The following RP1 variants were observed in gnomAD, a reference collection of about 807,000 sequenced individuals.
The protein encoded by RP1 is RP1 axonemal microtubule associated.
RP1 carries 16 observed loss-of-function variants against 14.8 expected under a neutral mutation model. The ratio of observed to expected loss-of-function variants is 1.08; its 90% CI spans 0.73 to 1.65. The LOEUF (loss-of-function observed/expected upper bound fraction) is 1.65. RP1 is among the 40% of genes most tolerant of loss of function. The pLI, the probability that RP1 is intolerant of heterozygous loss-of-function variation, is 0.00. For synonymous variants in RP1, 876 were observed against 883.6 expected, an observed-to-expected ratio of 0.99 and a Z score of 0.15; for missense variants, 2,631 against 2,535.0, an observed-to-expected ratio of 1.04 and a Z score of -0.81.
chr8:54,848,813 A>G (rs535325328), intron 25 of RP1, among the ~76,000 whole-genome samples: 4 of 152,276 alleles, frequency 2.6e-5, no homozygotes, highest in African/African-American at 9.6e-5. Context: ...CAGTGGCACG[A>G]TCTCGGCTCA....
At chr8:54,757,820 G>A (rs571881295) in intron 21 of RP1, among the ~76,000 whole-genome samples, 6 of 152,328 alleles carry the variant, frequency 3.9e-5, no homozygotes, top group South Asian at 2.1e-4. Flanking sequence ...TTGTAAAGCC[G>A]TGCTGAGAAT....
At position 54,628,093 on chromosome 8, in the gene RP1, GT is replaced by G. The variant is rs1806128079; in HGVS notation, c.4212del (p.Ser1404ArgfsTer14). On this transcript the variant is annotated frameshift_variant, in exon 4 of 4. Transcript: ENST00000220676. LOFTEE classifies it low-confidence loss of function (END_TRUNC). ...TTAAGCTCCTGTGGCCTTTGCCTAA[GT>G]GAAAAAGAAGCAGAACTTGATAAGA... Reference protein sequence around the residue: ...SNLSSCGLCLSEKEAELDKKH... With the variant: ...SNLSSCGLCLXEKEAELDKKH... 1 of 1,614,032 alleles carries G rather than the reference GT, an allele frequency of 6.2e-7. No individual in the cohort carries two copies. Among genetic ancestry groups the G allele is most frequent in the African/African-American group, 1.3e-5 (1 of 75,052 alleles).
chr8:54,735,004 C>T (rs1000956243), intron 18 of RP1, among the ~76,000 whole-genome samples: 2 of 152,030 alleles, frequency 1.3e-5, no homozygotes, highest in African/African-American at 4.8e-5. Flanking sequence ...TTGAAACTGG[C>T]CCTATAAACT....
At chr8:54,840,622 T>TG (rs1284024013) in intron 25 of RP1, among the ~76,000 whole-genome samples, 3 of 78,456 alleles carry the variant, frequency 3.8e-5, no homozygotes, top group African/African-American at 1.7e-4. Flanking sequence ...AAGGCAGTTG[T>TG]GTTTTTTTTT....
At chr8:54,605,312 G>A (rs868135859) in intron 1 of RP1, among the ~76,000 whole-genome samples, 7 of 152,326 alleles carry the variant, frequency 4.6e-5, no homozygotes, top group African/African-American at 1.7e-4. Context: ...TAGTCATTCA[G>A]GAGCAGGTTG....
At chr8:54,670,583 G>GTA (rs544514702) in intron 7 of RP1, among the ~76,000 whole-genome samples, 1,122 of 76,306 alleles carry the variant, frequency 0.015, 61 homozygotes, top group African/African-American at 0.033. Context: ...GTATGTATAT[G>GTA]TATATATATA....
intron 24 of RP1, among the ~76,000 whole-genome samples, chr8:54,833,579 T>C (rs140890875): frequency 1.3e-3 from 199 of 152,156 alleles, no homozygotes; most frequent in African/African-American, 4.6e-3. Flanking sequence ...TAGAAAAAGT[T>C]AAAGATCCAT....
intron 24 of RP1, among the ~76,000 whole-genome samples, chr8:54,814,454 T>C (rs1811086301): frequency 6.6e-6 from 1 of 152,328 alleles, no homozygotes; most frequent in Non-Finnish European, 1.5e-5. Flanking sequence ...TTGCTGGTTT[T>C]TCTGTAGAGA....
At chr8:54,800,574 G>C (rs944643790) in intron 24 of RP1, among the ~76,000 whole-genome samples, 1 of 151,936 alleles carries the variant, frequency 6.6e-6, no homozygotes, top group Non-Finnish European at 1.5e-5. Flanking sequence ...AAATCTTTGT[G>C]TTTCAATTAA....
In RP1 at chr8:54,630,416, G is replaced by A; in HGVS notation, c.*63G>A. 1 of 1,596,322 alleles carries A rather than the reference G, an allele frequency of 6.3e-7. No homozygotes were observed. Among genetic ancestry groups the A allele is most frequent in the Non-Finnish European group, 8.5e-7 (1 of 1,170,084 alleles). ...TTTTCCCATGAGATGAAGCACATGT[G>A]ACGAATACGGACTAGATAACCTCTA... On this transcript the variant is annotated 3_prime_UTR_variant, in exon 4 of 4. Coordinates refer to ENST00000220676, the MANE Select transcript of RP1 (RefSeq NM_006269.2).
chr8:54,732,560 A>G (rs1808818555), intron 17 of RP1, among the ~76,000 whole-genome samples: 1 of 152,102 alleles, frequency 6.6e-6, no homozygotes, highest in South Asian at 2.1e-4. Flanking sequence ...TTAGATGAAT[A>G]AGATATCCAT....
chr8:54,720,838 A>G (rs1007706467), intron 16 of RP1, among the ~76,000 whole-genome samples: 1 of 152,224 alleles, frequency 6.6e-6, no homozygotes, highest in East Asian at 1.9e-4. Flanking sequence ...TGAAATGAAG[A>G]TATGAGGACA....
intron 1 of RP1, among the ~76,000 whole-genome samples, chr8:54,607,392 T>G (rs149556128): frequency 2.6e-5 from 4 of 152,178 alleles, no homozygotes; most frequent in African/African-American, 9.7e-5. Context: ...ACTGCCTGAT[T>G]GTTCCTTTGG....
At chr8:54,644,815 C>A (rs1431717507) in intron 3 of RP1, among the ~76,000 whole-genome samples, 4 of 152,140 alleles carry the variant, frequency 2.6e-5, no homozygotes, top group African/African-American at 4.8e-5. Flanking sequence ...AGAATTGGTT[C>A]CTTTGAGTGC....
chr8:54,659,191 A>AT (rs1440179541), intron 6 of RP1, among the ~76,000 whole-genome samples: 3 of 152,066 alleles, frequency 2.0e-5, no homozygotes, highest in African/African-American at 7.2e-5. Flanking sequence ...TACACTAATG[A>AT]TTGTTGCCTT....
chr8:54,648,931 G>A (rs1806602026), intron 3 of RP1: 6 of 1,333,420 alleles, frequency 4.5e-6, no homozygotes, highest in African/African-American at 4.4e-5. Flanking sequence ...GCTGTTCTGA[G>A]TCTTCCATTT....
In RP1 at chr8:54,744,380, G is replaced by A. The variant is rs1809174706; in HGVS notation, c.2808+5351G>A. On this transcript the variant is annotated intron_variant, in intron 19 of 22. Transcript: ENST00000636932. ...GCCTCTGAGTGCACAGTGGGGACAT[G>A]AGTCAGAGAGCCCCGAAGGGAAGGT... Among the ~76,000 whole-genome samples the A allele has an allele frequency of 4.6e-5, 7 of 152,164 alleles. No individual in the cohort carries two copies. The South Asian group carries it at 1.4e-3, about 31-fold the overall frequency.
chr8:54,692,079 T>G (rs546602088), intron 12 of RP1, among the ~76,000 whole-genome samples: 2 of 151,952 alleles, frequency 1.3e-5, no homozygotes, highest in African/African-American at 2.4e-5. Flanking sequence ...TGGTTTTTTG[T>G]CCTTGTGATA....
chr8:54,679,652 TTA>T, intron 11 of RP1: 1 of 1,534,944 alleles, frequency 6.5e-7, no homozygotes, highest in Non-Finnish European at 8.7e-7. Flanking sequence ...GGGCTTTAGA[TTA>T]TCTCATATAA....
Sources: allele counts gnomAD v4.1 joint callset (sites outside exome capture counted in the v4.1 genomes callset), GRCh38; gene constraint gnomAD v4.1.1; transcripts MANE v1.5; gene names NCBI Gene and HGNC (gene_info 2026-07-23, HGNC 2026-07-21).